MMP26: variants seen among roughly 807,000 people sequenced by gnomAD.
The protein encoded by MMP26 is matrix metallopeptidase 26, also known as matrix metalloproteinase-26.
A neutral mutation model predicts 31.0 loss-of-function variants in MMP26; 33 were observed. That is an observed-to-expected ratio of 1.06 (90% CI 0.81 to 1.42). The LOEUF (loss-of-function observed/expected upper bound fraction) is 1.42. Among genes scored for constraint, MMP26 ranks in the 40% most tolerant of loss-of-function variants. MMP26 has a pLI of 0.00. For missense variants in MMP26, 347 were observed against 316.1 expected (o/e 1.10, Z -0.74); for synonymous variants, 122 against 114.9 (o/e 1.06, Z -0.40).
At chr11:4,895,739 C>T (rs1195905132) in intron 2 of MMP26, among the ~76,000 whole-genome samples, 1 of 152,130 alleles carries the variant, frequency 6.6e-6, no homozygotes, top group Non-Finnish European at 1.5e-5. Flanking sequence ...GCCTGGGCAA[C>T]ATAGGGAGAC....
chr11:4,881,354 G>C (rs1850459824), intron 2 of MMP26, among the ~76,000 whole-genome samples: 1 of 151,982 alleles, frequency 6.6e-6, no homozygotes, highest in Non-Finnish European at 1.5e-5. Context: ...GCATCTCATC[G>C]CTCAGTTACT....
intron 2 of MMP26, chr11:4,803,918 C>G (rs761410703): frequency 6.2e-7 from 1 of 1,613,226 alleles, no homozygotes; most frequent in East Asian, 2.2e-5. Flanking sequence ...CACAGCAGCC[C>G]TCTCAGCATC....
intron 2 of MMP26, among the ~76,000 whole-genome samples, chr11:4,934,086 C>G (rs962899937): frequency 4.1e-5 from 5 of 121,214 alleles, no homozygotes; most frequent in Admixed American, 8.9e-5. Flanking sequence ...TGGCTATATA[C>G]CCAGTAATGG....
chr11:4,807,822 T>C (rs1589907217), intron 2 of MMP26, among the ~76,000 whole-genome samples: 1 of 152,152 alleles, frequency 6.6e-6, no homozygotes, highest in South Asian at 2.1e-4. Flanking sequence ...CTTTTATTTT[T>C]GAGACATGCT....
chr11:4,897,068 A>C (rs138207165), intron 2 of MMP26, among the ~76,000 whole-genome samples: 5 of 151,980 alleles, frequency 3.3e-5, no homozygotes, highest in Non-Finnish European at 7.4e-5. Flanking sequence ...CCCTTTACTC[A>C]TGACCTATCC....
chr11:4,857,110 A>G (rs535335838), intron 2 of MMP26, among the ~76,000 whole-genome samples: 1,623 of 152,310 alleles, frequency 0.011, 31 homozygotes, highest in African/African-American at 0.037. Flanking sequence ...AATGCCCACA[A>G]GAGAAAGCAG....
chr11:4,708,439 A>G lies in MMP26; in HGVS notation c.-217+3394A>G, dbSNP rs147026660. 3.8e-3 allele frequency among the ~76,000 whole-genome samples: 577 copies of G among 152,326 alleles called. 6 individuals are homozygous for G. Among genetic ancestry groups the G allele is most frequent in the African/African-American group, 0.013 (545 of 41,570 alleles). On this transcript the variant is annotated intron_variant, in intron 1 of 7. Transcript: ENST00000380390. ...TCATTCGGGGGGTTGCAATGAAGAT[A>G]ACTAAGTTAACCTATACTCAAATAT... is the stretch of plus-strand genomic sequence containing the variant.
Position 4,709,702 on chromosome 11 carries a change from G to A in MMP26, c.-217+4657G>A, listed in dbSNP as rs746623968. 1.0e-4 allele frequency: 46 copies of A among 459,416 alleles called. No homozygotes were observed. In the Admixed American group the frequency reaches 1.1e-3, roughly 11 times the overall value. 28.5% of individuals were successfully genotyped at this position (459,416 alleles called of 1,614,324 possible). A position where few individuals can be genotyped will look rare whatever the true frequency, so the allele number is the denominator to read the frequency against. On this transcript the variant is annotated intron_variant, in intron 1 of 7. Transcript: ENST00000380390. The stretch of plus-strand genomic sequence containing the variant: ...TATGTCATTGCTATCTCTGGGAATG[G>A]CATGATCCTGTTTGTCATCATCACT...
intron 2 of MMP26, among the ~76,000 whole-genome samples, chr11:4,939,206 T>G (rs1846173369): frequency 6.6e-6 from 1 of 152,158 alleles, no homozygotes; most frequent in South Asian, 2.1e-4. Context: ...TGTTCACTGT[T>G]GCATTTTTAA....
At chr11:4,757,244 A>C (rs935829279) in intron 1 of MMP26, among the ~76,000 whole-genome samples, 7 of 152,100 alleles carry the variant, frequency 4.6e-5, no homozygotes, top group African/African-American at 1.7e-4. Context: ...AGACTTTCCA[A>C]TAAATGGTGC....
intron 2 of MMP26, among the ~76,000 whole-genome samples, chr11:4,776,265 G>A (rs1485376934): frequency 1.3e-5 from 2 of 151,748 alleles, no homozygotes; most frequent in Non-Finnish European, 1.5e-5. Context: ...TGTGAGTGAT[G>A]GTATCTTTTT....
chr11:4,722,482 T>C lies in MMP26; in HGVS notation c.-217+17437T>C, dbSNP rs867354903. ...CGTGAAGTAATTACTTTTTTTTTTT[T>C]TTTTTTTTTTGGCAGGGTTAGCTGA... On this transcript the variant is annotated intron_variant, in intron 1 of 7. Coordinates refer to ENST00000380390, the MANE Select transcript of MMP26 (RefSeq NM_021801.5). Among the ~76,000 whole-genome samples, 493 of 141,518 alleles carry C rather than the reference T, an allele frequency of 3.5e-3. 4 individuals carry two copies. Among genetic ancestry groups the C allele is most frequent in the African/African-American group, 0.014 (468 of 34,186 alleles). 92.8% of individuals were successfully genotyped at this position (141,518 alleles called of 152,430 possible).
intron 1 of MMP26, among the ~76,000 whole-genome samples, chr11:4,734,326 C>T (rs1848209604): frequency 6.6e-6 from 1 of 152,104 alleles, no homozygotes; most frequent in African/African-American, 2.4e-5. Context: ...TACTAATTCA[C>T]TTGTATCAAA....
At chr11:4,825,467 A>C (rs1849567022) in intron 2 of MMP26, among the ~76,000 whole-genome samples, 1 of 152,102 alleles carries the variant, frequency 6.6e-6, no homozygotes, top group Admixed American at 6.6e-5. Flanking sequence ...GTTCCTACAG[A>C]GAACCTTTGA....
chr11:4,984,398 G>A (rs1178099406), intron 2 of MMP26, among the ~76,000 whole-genome samples: 1 of 152,172 alleles, frequency 6.6e-6, no homozygotes, highest in Non-Finnish European at 1.5e-5. Context: ...CACAGCGTAT[G>A]CGCTCAATAA....
chr11:4,912,635 A>T (rs1268157258), intron 2 of MMP26: 1 of 151,924 alleles, frequency 6.6e-6, no homozygotes, highest in African/African-American at 2.4e-5. Flanking sequence ...CATTGTAAAA[A>T]TAAGAAATTC....
intron 2 of MMP26, among the ~76,000 whole-genome samples, chr11:4,801,599 A>G (rs1294369392): frequency 6.6e-6 from 1 of 151,672 alleles, no homozygotes; most frequent in Non-Finnish European, 1.5e-5. Context: ...CTGGAGTCCA[A>G]TGGCATGATC....
intron 2 of MMP26, among the ~76,000 whole-genome samples, chr11:4,852,781 G>A (rs1849993855): frequency 6.6e-6 from 1 of 152,236 alleles, no homozygotes; most frequent in Middle Eastern, 3.4e-3. Context: ...GTCCATTGAA[G>A]CATTATTCAT....
At chr11:4,726,321 GGT>G (rs1428811751) in intron 1 of MMP26, among the ~76,000 whole-genome samples, 2 of 151,928 alleles carry the variant, frequency 1.3e-5, no homozygotes, top group African/African-American at 4.8e-5. Context: ...AAATTAGCCA[GGT>G]GTGGTGGCAT....
Sources: gnomAD v4.1 joint callset for allele counts (sites outside exome capture counted in the v4.1 genomes callset) on GRCh38, gnomAD v4.1.1 for gene constraint, MANE v1.5 for transcripts, NCBI Gene and HGNC (gene_info 2026-07-23, HGNC 2026-07-21) for gene names.